The following ARHGAP35 variants were observed in gnomAD, a reference collection of about 807,000 sequenced individuals.
ARHGAP35 encodes rho GTPase-activating protein 35.
In ARHGAP35, 15 loss-of-function variants were observed where a neutral mutation model predicts 111.1. The ratio of observed to expected loss-of-function variants is 0.13; its 90% CI spans 0.09 to 0.21. The LOEUF (loss-of-function observed/expected upper bound fraction) is 0.21, where lower values mean the gene tolerates loss of function less well. ARHGAP35 is among the 10% of genes least tolerant of loss of function. The pLI is 1.00. For synonymous variants in ARHGAP35, 643 were observed against 710.3 expected, an observed-to-expected ratio of 0.91 and a Z score of 1.51; for missense variants, 1,262 against 1,873.0, an observed-to-expected ratio of 0.67 and a Z score of 6.02.
At chr19:46,888,422 C>G (rs1185554073) in intron 1 of ARHGAP35, among the ~76,000 whole-genome samples, 1 of 147,694 alleles carries the variant, frequency 6.8e-6, no homozygotes, top group Non-Finnish European at 1.5e-5. Flanking sequence ...CTGGCAGCAG[C>G]TTCCCTCATG....
intron 3 of ARHGAP35, among the ~76,000 whole-genome samples, chr19:46,952,150 G>A (rs2056416478): frequency 6.6e-6 from 1 of 152,104 alleles, no homozygotes; most frequent in African/African-American, 2.4e-5. Flanking sequence ...ATTACACATT[G>A]TATCCTTGTA....
rs533718244 is a variant in ARHGAP35, at chr19:46,888,015, G to A, written c.-189+26806G>A. 1.0e-4 allele frequency among the ~76,000 whole-genome samples: 15 copies of A among 148,864 alleles called. 1 individual carries two copies. Among genetic ancestry groups the A allele is most frequent in the South Asian group, 4.3e-4 (2 of 4,694 alleles). ...TGCCCAGGCTGGAGTGCAGTGGCAC[G>A]ATCTCGGCTTACTGCAAGCTCCGCC... On this transcript the variant is annotated intron_variant, in intron 1 of 6. Coordinates refer to ENST00000672722, the MANE Select transcript of ARHGAP35 (RefSeq NM_004491.5).
chr19:46,872,676 C>T (rs1044888400), intron 1 of ARHGAP35, among the ~76,000 whole-genome samples: 2 of 151,884 alleles, frequency 1.3e-5, no homozygotes, highest in African/African-American at 2.4e-5. Context: ...GTCAGGAGAT[C>T]GAGACCGTCC....
At chr19:46,973,558 C>T (rs1442492706) in intron 3 of ARHGAP35, among the ~76,000 whole-genome samples, 1 of 150,306 alleles carries the variant, frequency 6.7e-6, no homozygotes, top group South Asian at 2.1e-4. Context: ...GGTGTGGTGG[C>T]GGGGCGCCTG....
chr19:46,923,403 C>T (rs2056217697), intron 2 of ARHGAP35, among the ~76,000 whole-genome samples: 1 of 152,202 alleles, frequency 6.6e-6, no homozygotes, highest in East Asian at 1.9e-4. Context: ...CGTGAGCCAC[C>T]GCGCCCGGCT....
intron 3 of ARHGAP35, among the ~76,000 whole-genome samples, chr19:46,975,821 A>T (rs1794366614): frequency 6.6e-6 from 1 of 152,188 alleles, no homozygotes. Flanking sequence ...CATAGCCACC[A>T]GTTCCTAGAG....
chr19:46,884,047 T>G (rs2055979718), intron 1 of ARHGAP35, among the ~76,000 whole-genome samples: 2 of 152,110 alleles, frequency 1.3e-5, no homozygotes, highest in Admixed American at 1.3e-4. Flanking sequence ...AGAGCAAGAC[T>G]CCATCTCAAA....
At chr19:46,899,737 A>AAAC (rs765995712) in intron 1 of ARHGAP35, among the ~76,000 whole-genome samples, 1 of 151,656 alleles carries the variant, frequency 6.6e-6, no homozygotes, top group Non-Finnish European at 1.5e-5. Flanking sequence ...AAAAAAAAAA[A>AAAC]GAAGAAGATT....
chr19:46,880,805 A>G (rs1000713703), intron 1 of ARHGAP35, among the ~76,000 whole-genome samples: 1 of 151,160 alleles, frequency 6.6e-6, no homozygotes, highest in Non-Finnish European at 1.5e-5. Context: ...CCTACCGAGT[A>G]CCTGAGACTA....
Position 46,947,561 on chromosome 19 carries a change from C to G in ARHGAP35, c.3826+10153C>G, listed in dbSNP as rs1188444431. 2.0e-5 allele frequency: 3 copies of G among 152,134 alleles called. No individual in the cohort carries two copies. In the East Asian group the frequency reaches 5.8e-4, roughly 29 times the overall value. The allele number at this position is 152,134 out of a possible 1,614,324, so 9.4% of individuals were successfully genotyped here. A position where few individuals can be genotyped will look rare whatever the true frequency, so the allele number is the denominator to read the frequency against. On this transcript the variant is annotated intron_variant, in intron 3 of 6. Coordinates refer to ENST00000672722, the MANE Select transcript of ARHGAP35 (RefSeq NM_004491.5). ...CCCCATTTTTCCTCTAGCCTCACACCACCACAACAATCACCAACACAGAAG... is the reference window on the plus strand; with the variant it reads ...CCCCATTTTTCCTCTAGCCTCACACGACCACAACAATCACCAACACAGAAG...
At position 46,919,877 on chromosome 19, in the gene ARHGAP35, G is replaced by A. The variant is rs752164247; in HGVS notation, c.1202G>A (p.Arg401Gln). The change falls in exon 2 of 7, where the codon CGG (arginine) becomes CAG (glutamine). Residue 401 changes from arginine (R) to glutamine (Q), a missense_variant. Transcript: ENST00000672722. The surrounding 1 kb of genome is among the most constrained non-coding windows in gnomAD (Gnocchi z 6.2). ...TSHIDNMENE[R>Q]IPFDLMDTVP... The stretch of plus-strand genomic sequence containing the variant: ...CACATTGACAACATGGAAAACGAAC[G>A]GATTCCCTTTGATTTAATGGATACC... 21 of 1,613,850 alleles carry A rather than the reference G, an allele frequency of 1.3e-5. No homozygotes were observed. The highest frequency in any genetic ancestry group is 1.6e-4 in the Middle Eastern group (1 of 6,084).
intron 1 of ARHGAP35, among the ~76,000 whole-genome samples, chr19:46,861,518 C>T (rs564472296): frequency 7.3e-4 from 108 of 147,960 alleles, no homozygotes; most frequent in African/African-American, 2.6e-3. Flanking sequence ...GCCTACCCGA[C>T]TTCAGCCAAC....
intron 1 of ARHGAP35, among the ~76,000 whole-genome samples, chr19:46,915,874 A>G (rs1378291642): frequency 2.7e-5 from 4 of 148,440 alleles, no homozygotes; most frequent in South Asian, 2.1e-4. Flanking sequence ...TTAAGGTGCC[A>G]TTTTTTTGGC....
At chr19:46,886,762 A>G (rs928191904) in intron 1 of ARHGAP35, among the ~76,000 whole-genome samples, 3 of 141,784 alleles carry the variant, frequency 2.1e-5, no homozygotes, top group African/African-American at 7.6e-5. Flanking sequence ...TTGAATTTCT[A>G]TCCTAATGCT....
intron 3 of ARHGAP35, among the ~76,000 whole-genome samples, chr19:46,957,314 A>T (rs1350794380): frequency 6.6e-6 from 1 of 152,132 alleles, no homozygotes; most frequent in East Asian, 1.9e-4. Flanking sequence ...CATCATTTTT[A>T]AAAAGTGTGA....
chr19:46,964,356 T>A (rs777944696), intron 3 of ARHGAP35, among the ~76,000 whole-genome samples: 9 of 151,848 alleles, frequency 5.9e-5, no homozygotes, highest in Non-Finnish European at 1.2e-4. Context: ...CAGCCTTGAC[T>A]GCTTGGGCTC....
rs1279357568 is a variant in ARHGAP35 at position 46,986,486 on chromosome 19, G to A, written c.3827-1503G>A. Among the ~76,000 whole-genome samples, 2 of 151,988 alleles carry A rather than the reference G, an allele frequency of 1.3e-5. No individual in the cohort carries two copies. Among genetic ancestry groups the A allele is most frequent in the Non-Finnish European group, 2.9e-5 (2 of 68,008 alleles). ...AGAACTAGAAGGAAAAAAAACAATA[G>A]CTGATACAGGAATAGGAAAAACCTA... is the stretch of plus-strand genomic sequence containing the variant. On this transcript the variant is annotated intron_variant, in intron 3 of 6. Transcript: ENST00000672722. This position sits in a 1 kb window ranked among gnomAD's most constrained non-coding sequence, Gnocchi z 4.3.
intron 1 of ARHGAP35, among the ~76,000 whole-genome samples, chr19:46,907,517 G>A (rs1244359766): frequency 6.8e-6 from 1 of 146,874 alleles, no homozygotes; most frequent in Non-Finnish European, 1.5e-5. Flanking sequence ...TTGAGACGGA[G>A]TCTCGCTCTG....
chr19:46,905,229 A>G (rs967036422), intron 1 of ARHGAP35, among the ~76,000 whole-genome samples: 2 of 152,218 alleles, frequency 1.3e-5, no homozygotes, highest in African/African-American at 4.8e-5. Context: ...AAAAACAAAC[A>G]AAAAGAAAAC....
Sources: gnomAD v4.1 joint callset for allele counts (sites outside exome capture counted in the v4.1 genomes callset) on GRCh38, gnomAD v4.1.1 for gene constraint, Gnocchi (gnomAD v3.1) non-coding constraint, MANE v1.5 for transcripts, NCBI Gene and HGNC (gene_info 2026-07-23, HGNC 2026-07-21) for gene names.